The following ZNF335 variants were observed in gnomAD, a reference collection of about 807,000 sequenced individuals.
ZNF335 encodes the protein zinc finger protein 335.
ZNF335 carries 84 observed loss-of-function variants against 145.6 expected under a neutral mutation model. The observed-to-expected ratio is 0.58, with a 90% confidence interval of 0.48 to 0.69. The LOEUF (loss-of-function observed/expected upper bound fraction) is 0.69, where lower values mean the gene tolerates loss of function less well. Among genes scored for constraint, ZNF335 ranks in the 30% least tolerant of loss-of-function variants. The pLI is 0.00. For synonymous variants in ZNF335, 761 were observed against 717.0 expected, an observed-to-expected ratio of 1.06 and a Z score of -0.98; for missense variants, 1,865 against 1,809.7, an observed-to-expected ratio of 1.03 and a Z score of -0.55.
At chr20:45,951,181 C>T (rs548761866) in intron 20 of ZNF335, among the ~76,000 whole-genome samples, 38 of 152,368 alleles carry the variant, frequency 2.5e-4, no homozygotes, top group Admixed American at 1.1e-3. Flanking sequence ...TGTGAGCCAC[C>T]GTGCCCGGCC....
rs779705982 is a variant in ZNF335, at chr20:45,967,636, T to G, written c.815-2A>C. 4 of 1,613,914 alleles carry G rather than the reference T, an allele frequency of 2.5e-6. No homozygotes were observed. Among genetic ancestry groups the G allele is most frequent in the Non-Finnish European group, 3.4e-6 (4 of 1,179,970 alleles). ...CAGCTGCTGCTGCGGCTGCTGCTAC[T>G]GGAAGTGGAGGGAGGGTAAGACAAG... On this transcript the variant is annotated splice_acceptor_variant, in intron 5 of 27. Transcript: ENST00000322927. LOFTEE classifies it high-confidence loss of function.
intron 10 of ZNF335, 163 bp downstream of exon 10, chr20:45,961,907 T>G: frequency 1.6e-6 from 1 of 614,716 alleles, no homozygotes; most frequent in South Asian, 1.9e-5. Context: ...CTAAGCCAAA[T>G]GAACTGGGGT....
At chr20:45,949,641 C>G in intron 24 of ZNF335, 73 bp from the exon 25 acceptor site, 6 of 1,500,082 alleles carry the variant, frequency 4.0e-6, no homozygotes, top group Non-Finnish European at 5.4e-6. Flanking sequence ...GCTAAGAAGG[C>G]AGAGTGGAAG....
rs770948601 is a variant in ZNF335 at position 45,957,537 on chromosome 20, TG to T, written c.2442+48del. ...CTAGTCCCAGTGTCCAGTGCAGGGC[TG>T]GGTACCTGCGGTAGCTGGGAAGGGG... On this transcript the variant is annotated intron_variant, in intron 17 of 27. Coordinates refer to ENST00000322927, the MANE Select transcript of ZNF335 (RefSeq NM_022095.4). The T allele has an allele frequency of 4.5e-6, 7 of 1,569,168 alleles. No homozygotes were observed. In the South Asian group the frequency reaches 6.7e-5, roughly 15 times the overall value.
In ZNF335 at chr20:45,960,286, G is replaced by A; in HGVS notation, c.1942C>T (p.Pro648Ser). The A allele has an allele frequency of 6.2e-7, 1 of 1,614,206 alleles. No homozygotes were observed. ...NHQLSHVSDK[P>S]FKCSFCPYRT... Reference sequence around the variant, plus strand: ...TAGGGACAAAAGCTGCATTTGAAGGGCTTGTCACTGACGTGGGACAACTGG... The same window carrying A: ...TAGGGACAAAAGCTGCATTTGAAGGACTTGTCACTGACGTGGGACAACTGG... The change falls in exon 14 of 28, where the codon CCC becomes TCC. Residue 648 changes from proline (P) to serine (S), a missense_variant. By Grantham distance (74) the Pro-to-Ser change is moderately conservative. Coordinates refer to ENST00000322927, the MANE Select transcript of ZNF335 (RefSeq NM_022095.4).
intron 4 of ZNF335, 62 bp from the exon 5 acceptor site, chr20:45,968,089 T>C (rs1401730181): frequency 5.6e-6 from 9 of 1,596,652 alleles, no homozygotes; most frequent in South Asian, 1.1e-5. Flanking sequence ...CCATGAGCTA[T>C]AGCTACCCCT....
chr20:45,959,238 GC>G lies in ZNF335; in HGVS notation c.2215del (p.Ala739ProfsTer62). 6.9e-7 allele frequency: 1 copy of G among 1,447,466 alleles called. No individual in the cohort carries two copies. The highest frequency in any genetic ancestry group is 9.2e-7 in the Non-Finnish European group (1 of 1,086,656). 89.7% of individuals were successfully genotyped at this position (1,447,466 alleles called of 1,614,324 possible). On this transcript the variant is annotated frameshift_variant, in exon 15 of 28. Transcript: ENST00000322927. LOFTEE classifies it high-confidence loss of function. ...IEELKQQHSA[A>X]PGPPPSSPGP... ...TGGGGAACTGGGAGGTGGTCCAGGG[GC>G]CGCACTGTGCTGCTGCTTCAGCTCC...
chr20:45,953,974 G>T (rs1325430220), intron 17 of ZNF335, 26 bp from the exon 18 acceptor site: 2 of 1,553,450 alleles, frequency 1.3e-6, no homozygotes, highest in Non-Finnish European at 1.7e-6. Flanking sequence ...GGGGCGGGAT[G>T]GGAGGCACTG....
Position 45,950,050 on chromosome 20 carries a change from G to T in ZNF335, c.3507C>A (p.His1169Gln), listed in dbSNP as rs141812371. 5 of 1,613,908 alleles carry T rather than the reference G, an allele frequency of 3.1e-6. No homozygotes were observed. The highest frequency in any genetic ancestry group is 4.2e-6 in the Non-Finnish European group (5 of 1,179,966). The change falls in exon 23 of 28, where the codon CAC becomes CAA. Residue 1169 changes from histidine (H) to glutamine (Q), a missense_variant. Physicochemically the swap from His to Gln is conservative, Grantham distance 24. Transcript: ENST00000322927. The stretch of plus-strand genomic sequence containing the variant: ...GTAGCCGCTCTGGGCCCAGGACCCC[G>T]TGACTGGACTGGAGTGCAGCTGGGC... The part of the protein sequence containing the change: ...ATLHTALQSS[H>Q]GVLGPERLQQ...
intron 9 of ZNF335, 81 bp downstream of exon 9, chr20:45,963,392 A>G: frequency 6.7e-7 from 1 of 1,492,934 alleles, no homozygotes; most frequent in Non-Finnish European, 9.1e-7. Flanking sequence ...CTGTGACTCC[A>G]TTCTCCCTCA....
chr20:45,969,689 C>T lies in ZNF335; in HGVS notation c.204G>A (p.Glu68=). ...QSSDRGSRSQ[E]EVSESSSSAD... ...CGCTCGAGCTGCTCTCAGATACCTC[C>T]TCCTGAGGGGCATGAAACAGGGAGG... is the stretch of plus-strand genomic sequence containing the variant. The change falls in exon 3 of 28, where the codon GAG becomes GAA. Residue 68 remains glutamate (E), a splice_region_variant and synonymous_variant. Coordinates refer to ENST00000322927, the MANE Select transcript of ZNF335 (RefSeq NM_022095.4). 2 of 1,610,938 alleles carry T rather than the reference C, an allele frequency of 1.2e-6. No individual in the cohort carries two copies. Among genetic ancestry groups the T allele is most frequent in the Non-Finnish European group, 1.7e-6 (2 of 1,178,840 alleles).
chr20:45,953,962 A>G lies in ZNF335; in HGVS notation c.2443-14T>C. ...CACCACAGCCACCTGCAACGGCACC[A>G]GGGGGCGGGATGGGAGGCACTGGTG... On this transcript the variant is annotated splice_polypyrimidine_tract_variant and intron_variant, in intron 17 of 27. Transcript: ENST00000322927. 1.3e-6 allele frequency: 2 copies of G among 1,568,604 alleles called. No individual in the cohort carries two copies. Among genetic ancestry groups the G allele is most frequent in the East Asian group, 2.3e-5 (1 of 42,862 alleles).
intron 20 of ZNF335, 76 bp downstream of exon 20, chr20:45,952,071 C>T (rs1229099389): frequency 6.6e-7 from 1 of 1,504,668 alleles, no homozygotes. Context: ...CTTGAAAGGG[C>T]ACTCATTAAA....
intron 9 of ZNF335, among the ~76,000 whole-genome samples, chr20:45,962,810 T>C (rs1401814750): frequency 9.9e-6 from 1 of 100,778 alleles, no homozygotes; most frequent in Non-Finnish European, 2.1e-5. Context: ...CGTTTTTTTT[T>C]TTTTGTTTGT....
Position 45,953,816 on chromosome 20 carries a change from T to G in ZNF335, c.2575A>C (p.Ser859Arg), listed in dbSNP as rs770332790. 1.9e-6 allele frequency: 3 copies of G among 1,614,082 alleles called. No individual in the cohort carries two copies. The highest frequency in any genetic ancestry group is 2.5e-6 in the Non-Finnish European group (3 of 1,180,038). Residue 859 changes from serine to arginine, a missense_variant, in exon 18 of 28, where the codon AGC becomes CGC. Ser to Arg is a moderately radical substitution (Grantham distance 110). Transcript: ENST00000322927. ...GGTAGGTCAGGAGGGCCTAGCTGGC[T>G]CTCGGCTGCTGCACCGCCCCCTGGC... ...AEPGGGAAAESQLGPPDLPQI... is the reference protein window; with the variant it reads ...AEPGGGAAAERQLGPPDLPQI...
chr20:45,952,735 A>G (rs768927353), intron 18 of ZNF335, 26 bp from the exon 19 acceptor site: 2 of 1,608,476 alleles, frequency 1.2e-6, no homozygotes, highest in Admixed American at 3.3e-5. Flanking sequence ...AGGTTCTAGG[A>G]GAAGATGGAG....
chr20:45,964,047 A>T (rs1017019054), intron 7 of ZNF335, 57 bp from the exon 8 acceptor site: 1 of 1,501,748 alleles, frequency 6.7e-7, no homozygotes, highest in Non-Finnish European at 8.9e-7. Context: ...ACAGACGTGG[A>T]CAAGTGGGCC....
chr20:45,965,644 G>A lies in ZNF335; in HGVS notation c.1086C>T (p.Ile362=). 6.2e-7 allele frequency: 1 copy of A among 1,600,660 alleles called. No homozygotes were observed. The highest frequency in any genetic ancestry group is 1.1e-5 in the South Asian group (1 of 90,418). The stretch of plus-strand genomic sequence containing the variant: ...AAGCCTCACCATCTGGGAGGTCTGA[G>A]ATCTCCAGGCGGGGCAGCTTCCGGG... ...GRPRKLPRLE[I]SDLPDGVEGE... is the part of the protein sequence containing the mutation. Residue 362 remains isoleucine (I), a synonymous_variant, in exon 7 of 28, where the codon ATC becomes ATT. Coordinates refer to ENST00000322927, the MANE Select transcript of ZNF335 (RefSeq NM_022095.4).
At position 45,948,802 on chromosome 20, in the gene ZNF335, C is replaced by T; in HGVS notation, c.*151G>A. 7.6e-7 allele frequency: 1 copy of T among 1,312,676 alleles called. No homozygotes were observed. The highest frequency in any genetic ancestry group is 1.1e-6 in the Non-Finnish European group (1 of 946,512). The allele number at this position is 1,312,676 out of a possible 1,614,324, so 81.3% of individuals were successfully genotyped here. A position where few individuals can be genotyped will look rare whatever the true frequency, so the allele number is the denominator to read the frequency against. On this transcript the variant is annotated 3_prime_UTR_variant, in exon 28 of 28. Coordinates refer to ENST00000322927, the MANE Select transcript of ZNF335 (RefSeq NM_022095.4). ...CTGGGGCCCATGGCTGCCCCTAACC[C>T]CAACAGCACAGGTCTGGCTCCCTGG...
Sources: gnomAD v4.1 joint callset for allele counts (sites outside exome capture counted in the v4.1 genomes callset) on GRCh38, gnomAD v4.1.1 for gene constraint, MANE v1.5 for transcripts, NCBI Gene and HGNC (gene_info 2026-07-23, HGNC 2026-07-21) for gene names.